AKAP11: variants seen among roughly 807,000 people sequenced by gnomAD.
AKAP11 encodes the protein A-kinase anchor protein 11.
AKAP11 carries 36 observed loss-of-function variants against 146.1 expected under a neutral mutation model. The ratio of observed to expected loss-of-function variants is 0.25; its 90% CI spans 0.19 to 0.33. AKAP11 has a LOEUF of 0.33. Ranked by LOEUF, AKAP11 falls within the 10% of genes least tolerant of loss-of-function variation. The probability of loss-of-function intolerance (pLI) is 1.00; values close to 1 mark genes in which losing one functional copy is unlikely to be tolerated. For synonymous variants in AKAP11, 780 were observed against 786.5 expected, an observed-to-expected ratio of 0.99 and a Z score of 0.14; for missense variants, 2,201 against 2,197.0, an observed-to-expected ratio of 1.00 and a Z score of -0.04.
intron 3 of AKAP11, among the ~76,000 whole-genome samples, chr13:42,291,338 C>G (rs1236324866): frequency 6.6e-6 from 1 of 152,178 alleles, no homozygotes; most frequent in East Asian, 1.9e-4. Context: ...CTGCAACCCC[C>G]ACCTCCCAGG....
Position 42,303,488 on chromosome 13 carries a change from C to G in AKAP11, c.4742C>G (p.Pro1581Arg), listed in dbSNP as rs767211508. ...GTCACTTATGCAGAAAAGTTGTCAC[C>G]TCTTACAGGTCAAGCTTGCAGATAC... ...DRVTYAEKLSPLTGQACRYCD... is the reference protein window; with the variant it reads ...DRVTYAEKLSRLTGQACRYCD... The change falls in exon 8 of 13, where the codon CCT becomes CGT. Residue 1581 changes from proline to arginine, a missense_variant. Transcript: ENST00000025301. 13 of 1,614,074 alleles carry G rather than the reference C, an allele frequency of 8.1e-6. No individual in the cohort carries two copies. The South Asian group carries it at 1.4e-4, about 18-fold the overall frequency.
In AKAP11 at chr13:42,297,182, G is replaced by A. The variant is rs780445815; in HGVS notation, c.351G>A (p.Gln117=). 1.4e-6 allele frequency: 2 copies of A among 1,428,958 alleles called. No individual in the cohort carries two copies. Among genetic ancestry groups the A allele is most frequent in the Non-Finnish European group, 1.9e-6 (2 of 1,077,406 alleles). The allele number at this position is 1,428,958 out of a possible 1,614,324, so 88.5% of individuals were successfully genotyped here. A position where few individuals can be genotyped will look rare whatever the true frequency, so the allele number is the denominator to read the frequency against. ...PLDISSDPLN[Q]SHPSGMLCVM... is the part of the protein sequence containing the mutation. ...ATATAAGCAGTGATCCTCTAAATCA[G>A]GTAACTTTTGTAGATAATTTCTAAT... Residue 117 remains glutamine (Q), a splice_region_variant and synonymous_variant, in exon 6 of 13, where the codon CAG becomes CAA. Transcript: ENST00000025301.
In AKAP11 at chr13:42,288,113, A is replaced by G. The variant is rs139192647; in HGVS notation, c.51+1714A>G. ...TACACCACCTTCTACATCTTGGTGC[A>G]TCTTAATGTCAGACACTTCCCTATT... On this transcript the variant is annotated intron_variant, in intron 3 of 12. Transcript: ENST00000025301. Among the ~76,000 whole-genome samples, 403 of 152,346 alleles carry G rather than the reference A, an allele frequency of 2.6e-3. 9 individuals carry two copies. Among genetic ancestry groups the G allele is most frequent in the Admixed American group, 0.022 (332 of 15,312 alleles).
rs200060203 is a variant in AKAP11, at chr13:42,303,107, T to C, written c.4361T>C (p.Leu1454Pro). The change falls in exon 8 of 13, where the codon CTG becomes CCG. Residue 1454 changes from leucine (L) to proline (P), a missense_variant. Leu to Pro is a moderately conservative substitution (Grantham distance 98). Transcript: ENST00000025301. ...LDPYRNEVSQ[L>P]YSFSTSLVHS... ...CCATATAGAAATGAGGTCTCCCAAC[T>C]GTATAGTTTTTCAACCTCTCTGGTT... 2.5e-6 allele frequency: 4 copies of C among 1,614,034 alleles called. No homozygotes were observed. The highest frequency in any genetic ancestry group is 2.7e-5 in the African/African-American group (2 of 75,010).
At chr13:42,317,390 G>C (rs1462301261) in intron 11 of AKAP11, 138 bp from the exon 12 acceptor site, 1 of 870,886 alleles carries the variant, frequency 1.1e-6, no homozygotes, top group Admixed American at 3.2e-5. Context: ...TTATGGTGTG[G>C]TTAGAAAAAG....
chr13:42,303,800 C>T lies in AKAP11; in HGVS notation c.5054C>T (p.Ala1685Val), dbSNP rs1305459769. The change falls in exon 8 of 13, where the codon GCT becomes GTT. Residue 1685 changes from alanine (A) to valine (V), a missense_variant. By Grantham distance (64) the Ala-to-Val change is moderately conservative. Coordinates refer to ENST00000025301, the MANE Select transcript of AKAP11 (RefSeq NM_016248.4). ...ATCGGACAGGAGGGTGCCAGCTTTG[C>T]TGAAAGCCTTGCCACAGAAACCATG... Reference protein sequence around the residue: ...SGIGQEGASFAESLATETMTA... With the variant: ...SGIGQEGASFVESLATETMTA... The T allele has an allele frequency of 5.0e-6, 8 of 1,610,026 alleles. No individual in the cohort carries two copies. The highest frequency in any genetic ancestry group is 6.8e-6 in the Non-Finnish European group (8 of 1,177,738).
intron 5 of AKAP11, among the ~76,000 whole-genome samples, chr13:42,296,003 C>T (rs1413332561): frequency 3.3e-5 from 5 of 152,076 alleles, no homozygotes; most frequent in Admixed American, 6.5e-5. Context: ...TAACAATTAG[C>T]CAATGCAAAA....
At chr13:42,275,517 T>A (rs1958896778) in intron 1 of AKAP11, among the ~76,000 whole-genome samples, 1 of 152,208 alleles carries the variant, frequency 6.6e-6, no homozygotes, top group Non-Finnish European at 1.5e-5. Flanking sequence ...CATGCCAACA[T>A]ATTTAACAAA....
chr13:42,316,408 A>G (rs1960822334), intron 11 of AKAP11, among the ~76,000 whole-genome samples: 1 of 152,228 alleles, frequency 6.6e-6, no homozygotes, highest in Admixed American at 6.5e-5. Context: ...GGTATCATTA[A>G]GCAGCAGGAA....
chr13:42,271,921 C>G (rs1958775237), upstream of AKAP11, among the ~76,000 whole-genome samples: 1 of 151,742 alleles, frequency 6.6e-6, no homozygotes, highest in African/African-American at 2.4e-5. Flanking sequence ...CCTGTTCCTT[C>G]TTTCCCTTTT....
chr13:42,319,678 G>A lies in AKAP11; in HGVS notation c.*450G>A, dbSNP rs530620468. 6.7e-6 allele frequency: 1 copy of A among 149,922 alleles called. No individual in the cohort carries two copies. Among genetic ancestry groups the A allele is most frequent in the African/African-American group, 2.5e-5 (1 of 40,386 alleles). 9.3% of individuals were successfully genotyped at this position (149,922 alleles called of 1,614,324 possible). ...GACATCAGAAAATAAAATTGAGGCT[G>A]ATTTTTAAAAATTTCTAGTAGATTT... On this transcript the variant is annotated 3_prime_UTR_variant, in exon 13 of 13. Coordinates refer to ENST00000025301, the MANE Select transcript of AKAP11 (RefSeq NM_016248.4).
chr13:42,300,942 T>C lies in AKAP11; in HGVS notation c.2196T>C (p.Ser732=). 6.2e-7 allele frequency: 1 copy of C among 1,614,128 alleles called. No individual in the cohort carries two copies. Residue 732 remains serine (S), a synonymous_variant, in exon 8 of 13, where the codon AGT becomes AGC. Coordinates refer to ENST00000025301, the MANE Select transcript of AKAP11 (RefSeq NM_016248.4). ...TDNIKYVSAE[S]VVPSTQAVTF... The stretch of plus-strand genomic sequence containing the variant: ...ATATCAAGTATGTGAGTGCAGAAAG[T>C]GTAGTGCCATCGACACAGGCTGTCA...
intron 7 of AKAP11, 73 bp from the exon 8 acceptor site, chr13:42,299,290 T>C (rs1959703647): frequency 3.2e-5 from 41 of 1,278,264 alleles, no homozygotes; most frequent in South Asian, 1.5e-4. Context: ...AGTCAGTTTA[T>C]TCCATGGATT....
Position 42,302,171 on chromosome 13 carries a change from A to G in AKAP11, c.3425A>G (p.His1142Arg), listed in dbSNP as rs755415989. Residue 1142 changes from histidine to arginine, a missense_variant, in exon 8 of 13, where the codon CAC becomes CGC. Around this residue, in one of 3 missense-constraint regions of AKAP11, gnomAD observed 1,867 missense variants for 1,833.5 expected, o/e 1.02. Transcript: ENST00000025301. ...CCTGCTACACCACCTTCTACTCCAC[A>G]CAACTCATCTGTTGGTAGTTTGTCT... ...FAPATPPSTP[H>R]NSSVGSLSEN... 2 of 1,614,180 alleles carry G rather than the reference A, an allele frequency of 1.2e-6. No individual in the cohort carries two copies. The highest frequency in any genetic ancestry group is 2.2e-5 in the East Asian group (1 of 44,890).
At chr13:42,297,020 GTTAC>G in intron 5 of AKAP11, 24 bp from the exon 6 acceptor site, 2 of 1,576,694 alleles carry the variant, frequency 1.3e-6, no homozygotes, top group East Asian at 2.3e-5. Context: ...ACTCTACAGT[GTTAC>G]TTATTGTTAT....
chr13:42,288,695 A>G (rs1389395634), intron 3 of AKAP11, among the ~76,000 whole-genome samples: 2 of 152,156 alleles, frequency 1.3e-5, no homozygotes, highest in Non-Finnish European at 2.9e-5. Context: ...AGGACTTAGC[A>G]TTTCTTTTGG....
chr13:42,302,284 G>C lies in AKAP11; in HGVS notation c.3538G>C (p.Gly1180Arg). 6.2e-7 allele frequency: 1 copy of C among 1,614,136 alleles called. No individual in the cohort carries two copies. Among genetic ancestry groups the C allele is most frequent in the Non-Finnish European group, 8.5e-7 (1 of 1,180,016 alleles). The change falls in exon 8 of 13, where the codon GGA becomes CGA. Residue 1180 changes from glycine (G) to arginine (R), a missense_variant. By Grantham distance (125) the Gly-to-Arg change is moderately radical (BLOSUM62 -2). Coordinates refer to ENST00000025301, the MANE Select transcript of AKAP11 (RefSeq NM_016248.4). ...TGAAGAAGTTGAGAGTAGTGAAAGT[G>C]GAGAGCTCCCAGAAGTGGATGTGAA... ...LSEEVESSESGELPEVDVKSE... is the reference protein window; with the variant it reads ...LSEEVESSESRELPEVDVKSE...
chr13:42,309,670 G>T (rs1444711450), intron 9 of AKAP11, among the ~76,000 whole-genome samples: 1 of 152,170 alleles, frequency 6.6e-6, no homozygotes, highest in African/African-American at 2.4e-5. Flanking sequence ...GGTCCAAAAA[G>T]ACAGTGTTTA....
At chr13:42,288,966 T>G (rs1300812464) in intron 3 of AKAP11, among the ~76,000 whole-genome samples, 1 of 152,198 alleles carries the variant, frequency 6.6e-6, no homozygotes, top group African/African-American at 2.4e-5. Flanking sequence ...GGTTTTCCCA[T>G]GATCAGTGAT....
Sources: allele counts gnomAD v4.1 joint callset (sites outside exome capture counted in the v4.1 genomes callset), GRCh38; gene constraint gnomAD v4.1.1; regional missense constraint gnomAD v4.1.1; transcripts MANE v1.5; gene names NCBI Gene and HGNC (gene_info 2026-07-23, HGNC 2026-07-21).